The following GREM1 variants were observed in gnomAD, a reference collection of about 807,000 sequenced individuals.
GREM1 encodes gremlin 1, DAN family BMP antagonist.
In GREM1, 6 loss-of-function variants were observed where a neutral mutation model predicts 13.1. The ratio of observed to expected loss-of-function variants is 0.46; its 90% CI spans 0.25 to 0.91. The LOEUF (loss-of-function observed/expected upper bound fraction) is 0.91. Among genes scored for constraint, GREM1 ranks in the 40% least tolerant of loss-of-function variants. The pLI, the probability that GREM1 is intolerant of heterozygous loss-of-function variation, is 0.18. For synonymous variants in GREM1, 98 were observed against 93.7 expected, an observed-to-expected ratio of 1.05 and a Z score of -0.27; for missense variants, 185 against 233.9, an observed-to-expected ratio of 0.79 and a Z score of 1.36.
chr15:32,743,936 T>A lies in GREM1; in HGVS notation c.*12691T>A, dbSNP rs893691119. ...CACCATGTGAACCTCTCTTCACGAC[T>A]TAGTAACTGGCTTCCTCTAGAGTGA... On this transcript the variant is annotated 3_prime_UTR_variant, in exon 2 of 2. Transcript: ENST00000651154. 6.6e-6 allele frequency: 1 copy of A among 152,192 alleles called. No individual in the cohort carries two copies. Among genetic ancestry groups the A allele is most frequent in the Non-Finnish European group, 1.5e-5 (1 of 68,048 alleles). The allele number at this position is 152,192 out of a possible 1,614,324, so 9.4% of individuals were successfully genotyped here. A position where few individuals can be genotyped will look rare whatever the true frequency, so the allele number is the denominator to read the frequency against.
rs768242805 is a variant in GREM1, at chr15:32,730,697, C to T, written c.7C>T (p.Arg3Cys). The change falls in exon 2 of 2, where the codon CGC (arginine) becomes TGC (cysteine). Residue 3 changes from arginine (R) to cysteine (C), a missense_variant. Physicochemically the swap from Arg to Cys is radical, Grantham distance 180. Transcript: ENST00000651154. Reference sequence around the variant, plus strand: ...TGTGCTTCCTTTCTTTAGTATGAGCCGCACAGCCTACACGGTGGGAGCCCT... The same window carrying T: ...TGTGCTTCCTTTCTTTAGTATGAGCTGCACAGCCTACACGGTGGGAGCCCT... MS[R>C]TAYTVGALLL... 4.6e-6 allele frequency: 7 copies of T among 1,535,112 alleles called. No individual in the cohort carries two copies. Among genetic ancestry groups the T allele is most frequent in the Admixed American group, 4.4e-5 (2 of 45,756 alleles).
Position 32,735,021 on chromosome 15 carries a change from T to C in GREM1, c.*3776T>C, listed in dbSNP as rs1364337020. On this transcript the variant is annotated 3_prime_UTR_variant, in exon 2 of 2. Coordinates refer to ENST00000651154, the MANE Select transcript of GREM1 (RefSeq NM_013372.7). Reference sequence around the variant, plus strand: ...CCAGGGGAAAAGCAGGAGAAAGATTTGGGGCTCAGTAGAAGGAAAAGCTTC... The same window carrying C: ...CCAGGGGAAAAGCAGGAGAAAGATTCGGGGCTCAGTAGAAGGAAAAGCTTC... 1.3e-5 allele frequency: 2 copies of C among 152,440 alleles called. No individual in the cohort carries two copies. Among genetic ancestry groups the C allele is most frequent in the African/African-American group, 4.8e-5 (2 of 41,430 alleles). 9.4% of individuals were successfully genotyped at this position (152,440 alleles called of 1,614,324 possible).
In GREM1 at chr15:32,738,156, T is replaced by A. The variant is rs2055729366; in HGVS notation, c.*6911T>A. 1.3e-4 allele frequency: 8 copies of A among 59,834 alleles called. No homozygotes were observed. Among genetic ancestry groups the A allele is most frequent in the African/African-American group, 2.0e-4 (3 of 15,206 alleles). The allele number at this position is 59,834 out of a possible 1,614,324, so 3.7% of individuals were successfully genotyped here. Reference sequence around the variant, plus strand: ...AAAGAAAAGAAAAAAGTCATCCAGATTGGAAAAGAAATAAAATGATTTCAA... The same window carrying A: ...AAAGAAAAGAAAAAAGTCATCCAGAATGGAAAAGAAATAAAATGATTTCAA... On this transcript the variant is annotated 3_prime_UTR_variant, in exon 2 of 2. Coordinates refer to ENST00000651154, the MANE Select transcript of GREM1 (RefSeq NM_013372.7).
In GREM1 at chr15:32,727,892, T is replaced by G. The variant is rs8026489; in HGVS notation, c.-1-2798T>G. Among the ~76,000 whole-genome samples, 1,501 of 152,262 alleles carry G rather than the reference T, an allele frequency of 9.9e-3. 25 individuals carry two copies. Among genetic ancestry groups the G allele is most frequent in the African/African-American group, 0.035 (1,451 of 41,550 alleles). On this transcript the variant is annotated intron_variant, in intron 1 of 1. Coordinates refer to ENST00000651154, the MANE Select transcript of GREM1 (RefSeq NM_013372.7). ...TGAGTGAACTCCCATTCACAAGTGCTACAAAGAATAAAATACCTAGGAATC... is the reference window on the plus strand; with the variant it reads ...TGAGTGAACTCCCATTCACAAGTGCGACAAAGAATAAAATACCTAGGAATC...
rs2055713631 is a variant in GREM1 at position 32,737,869 on chromosome 15, G to C, written c.*6624G>C. ...GTTGAACCCAGGAGGTGGAGGTTCT[G>C]GTGAGCCGAGATCACGCCATTGTAC... On this transcript the variant is annotated 3_prime_UTR_variant, in exon 2 of 2. Transcript: ENST00000651154. 1 of 145,614 alleles carries C rather than the reference G, an allele frequency of 6.9e-6. No homozygotes were observed. Among genetic ancestry groups the C allele is most frequent in the Non-Finnish European group, 1.5e-5 (1 of 67,026 alleles). The allele number at this position is 145,614 out of a possible 1,614,324, so 9.0% of individuals were successfully genotyped here. A position where few individuals can be genotyped will look rare whatever the true frequency, so the allele number is the denominator to read the frequency against.
At position 32,733,207 on chromosome 15, in the gene GREM1, C is replaced by G. The variant is rs2055650524; in HGVS notation, c.*1962C>G. 4.4e-6 allele frequency: 1 copy of G among 227,046 alleles called. No homozygotes were observed. Among genetic ancestry groups the G allele is most frequent in the Non-Finnish European group, 9.5e-6 (1 of 105,000 alleles). The allele number at this position is 227,046 out of a possible 1,614,324, so 14.1% of individuals were successfully genotyped here. On this transcript the variant is annotated 3_prime_UTR_variant, in exon 2 of 2. Coordinates refer to ENST00000651154, the MANE Select transcript of GREM1 (RefSeq NM_013372.7). ...TTGTATACACTGTATGACCCCACCC[C>G]AAATCTTTGTATTGTCCACATTCTC...
chr15:32,718,423 C>G (rs989526144), intron 1 of GREM1: 4 of 478,518 alleles, frequency 8.4e-6, no homozygotes, highest in Admixed American at 2.3e-5. Context: ...CCCCACATCC[C>G]GTTTCCACCT....
At chr15:32,719,091 G>C (rs1276627848) in intron 1 of GREM1, 1 of 154,342 alleles carries the variant, frequency 6.5e-6, no homozygotes, top group African/African-American at 2.4e-5. Flanking sequence ...CGGCTGCAAC[G>C]AGCTGGGCGT....
In GREM1 at chr15:32,740,056, TA is replaced by T. The variant is rs35330371; in HGVS notation, c.*8812del. The T allele has an allele frequency of 0.029, 4,481 of 152,300 alleles. 96 individuals carry two copies. Among genetic ancestry groups the T allele is most frequent in the Admixed American group, 0.072 (1,096 of 15,292 alleles). 9.4% of individuals were successfully genotyped at this position (152,300 alleles called of 1,614,324 possible). On this transcript the variant is annotated 3_prime_UTR_variant, in exon 2 of 2. Transcript: ENST00000651154. ...GCACAGACAGGACAAAAATCATGGCTACCTACATTTCCCTGGAGAAGGAATG... is the reference window on the plus strand; with the variant it reads ...GCACAGACAGGACAAAAATCATGGCTCCTACATTTCCCTGGAGAAGGAATG...
At chr15:32,723,648 C>G (rs1213789484) in intron 1 of GREM1, among the ~76,000 whole-genome samples, 1 of 147,276 alleles carries the variant, frequency 6.8e-6, no homozygotes, top group Non-Finnish European at 1.5e-5. Context: ...AAAAGCCTGT[C>G]TGTCACTCTA....
rs1360842426 is a variant in GREM1 at position 32,741,307 on chromosome 15, C to A, written c.*10062C>A. 6.6e-6 allele frequency: 1 copy of A among 151,984 alleles called. No individual in the cohort carries two copies. The highest frequency in any genetic ancestry group is 1.5e-5 in the Non-Finnish European group (1 of 67,984). The allele number at this position is 151,984 out of a possible 1,614,324, so 9.4% of individuals were successfully genotyped here. ...TATAAATATAGGAGATAATAAAATC[C>A]TTTAGTAAACAGTATCTAAGCCTTG... On this transcript the variant is annotated 3_prime_UTR_variant, in exon 2 of 2. Coordinates refer to ENST00000651154, the MANE Select transcript of GREM1 (RefSeq NM_013372.7).
rs1206925731 is a variant in GREM1 at position 32,742,947 on chromosome 15, G to T, written c.*11702G>T. On this transcript the variant is annotated 3_prime_UTR_variant, in exon 2 of 2. Coordinates refer to ENST00000651154, the MANE Select transcript of GREM1 (RefSeq NM_013372.7). ...ACAGAAGAGAAAGTTTCATGACATT[G>T]CCCTTGGCAATGATTTCATGTACAT... The T allele has an allele frequency of 1.3e-5, 2 of 152,214 alleles. No homozygotes were observed. The highest frequency in any genetic ancestry group is 1.9e-4 in the East Asian group (1 of 5,204). 9.4% of individuals were successfully genotyped at this position (152,214 alleles called of 1,614,324 possible).
At position 32,736,463 on chromosome 15, in the gene GREM1, C is replaced by G. The variant is rs1055850892; in HGVS notation, c.*5218C>G. On this transcript the variant is annotated 3_prime_UTR_variant, in exon 2 of 2. Coordinates refer to ENST00000651154, the MANE Select transcript of GREM1 (RefSeq NM_013372.7). Reference sequence around the variant, plus strand: ...GATGCTCAGGAAAAACCCAAGAAAGCCTTAAGCTCTCACTTCAAGCTGATC... The same window carrying G: ...GATGCTCAGGAAAAACCCAAGAAAGGCTTAAGCTCTCACTTCAAGCTGATC... 2.6e-5 allele frequency: 4 copies of G among 152,118 alleles called. No individual in the cohort carries two copies. Among genetic ancestry groups the G allele is most frequent in the African/African-American group, 7.2e-5 (3 of 41,416 alleles). 9.4% of individuals were successfully genotyped at this position (152,118 alleles called of 1,614,324 possible).
intron 1 of GREM1, 25 bp downstream of exon 1, chr15:32,718,186 GAT>G: frequency 7.5e-6 from 10 of 1,341,734 alleles, no homozygotes; most frequent in Non-Finnish European, 9.8e-6. Flanking sequence ...ACCCGGCAGG[GAT>G]GTGAGTGGGC....
rs925597351 is a variant in GREM1, at chr15:32,736,891, G to A, written c.*5646G>A. 1 of 152,140 alleles carries A rather than the reference G, an allele frequency of 6.6e-6. No homozygotes were observed. Among genetic ancestry groups the A allele is most frequent in the African/African-American group, 2.4e-5 (1 of 41,426 alleles). The allele number at this position is 152,140 out of a possible 1,614,324, so 9.4% of individuals were successfully genotyped here. A position where few individuals can be genotyped will look rare whatever the true frequency, so the allele number is the denominator to read the frequency against. On this transcript the variant is annotated 3_prime_UTR_variant, in exon 2 of 2. Transcript: ENST00000651154. ...GCTCTCTCAAGTCATTTTCAGACCAGGTTAGGAGACGTGAGCTGCTCTCCA... is the reference window on the plus strand; with the variant it reads ...GCTCTCTCAAGTCATTTTCAGACCAAGTTAGGAGACGTGAGCTGCTCTCCA...
Position 32,733,682 on chromosome 15 carries a change from C to A in GREM1, c.*2437C>A, listed in dbSNP as rs2055658995. The A allele has an allele frequency of 4.4e-6, 1 of 226,452 alleles. No individual in the cohort carries two copies. The highest frequency in any genetic ancestry group is 7.2e-5 in the East Asian group (1 of 13,900). 14.0% of individuals were successfully genotyped at this position (226,452 alleles called of 1,614,324 possible). A position where few individuals can be genotyped will look rare whatever the true frequency, so the allele number is the denominator to read the frequency against. On this transcript the variant is annotated 3_prime_UTR_variant, in exon 2 of 2. Coordinates refer to ENST00000651154, the MANE Select transcript of GREM1 (RefSeq NM_013372.7). ...TTCATTGAAAATGCCATATCTATACCATATTTTATTCGAGTCACTGATGAT... is the reference window on the plus strand; with the variant it reads ...TTCATTGAAAATGCCATATCTATACAATATTTTATTCGAGTCACTGATGAT...
At position 32,731,747 on chromosome 15, in the gene GREM1, T is replaced by C. The variant is rs966331164; in HGVS notation, c.*502T>C. ...CCTCACAATCCATCTCTTCTTAAGT[T>C]GATAGTGACTATGTCAGTCTAATCT... On this transcript the variant is annotated 3_prime_UTR_variant, in exon 2 of 2. Coordinates refer to ENST00000651154, the MANE Select transcript of GREM1 (RefSeq NM_013372.7). 2 of 245,764 alleles carry C rather than the reference T, an allele frequency of 8.1e-6. No homozygotes were observed. The highest frequency in any genetic ancestry group is 1.1e-4 in the Admixed American group (2 of 18,314). The allele number at this position is 245,764 out of a possible 1,614,324, so 15.2% of individuals were successfully genotyped here.
Position 32,732,497 on chromosome 15 carries a change from G to T in GREM1, c.*1252G>T, listed in dbSNP as rs141585953. ...CAGGAGATTGGGCTAAAGAGAAGAC[G>T]ACGAGAGTAAGGAAATAAAGGGAAT... On this transcript the variant is annotated 3_prime_UTR_variant, in exon 2 of 2. Coordinates refer to ENST00000651154, the MANE Select transcript of GREM1 (RefSeq NM_013372.7). 1.1e-4 allele frequency: 26 copies of T among 245,460 alleles called. No homozygotes were observed. The highest frequency in any genetic ancestry group is 4.9e-4 in the African/African-American group (22 of 45,318). The allele number at this position is 245,460 out of a possible 1,614,324, so 15.2% of individuals were successfully genotyped here.
In GREM1 at chr15:32,739,982, C is replaced by T. The variant is rs528639998; in HGVS notation, c.*8737C>T. Reference sequence around the variant, plus strand: ...GAAGGACAGAGACAGAGGTTTAGACCAGTAGATGACATGGCACCCTGCCCT... The same window carrying T: ...GAAGGACAGAGACAGAGGTTTAGACTAGTAGATGACATGGCACCCTGCCCT... On this transcript the variant is annotated 3_prime_UTR_variant, in exon 2 of 2. Coordinates refer to ENST00000651154, the MANE Select transcript of GREM1 (RefSeq NM_013372.7). 5 of 152,364 alleles carry T rather than the reference C, an allele frequency of 3.3e-5. No individual in the cohort carries two copies. Among genetic ancestry groups the T allele is most frequent in the South Asian group, 2.1e-4 (1 of 4,816 alleles). The allele number at this position is 152,364 out of a possible 1,614,324, so 9.4% of individuals were successfully genotyped here. A position where few individuals can be genotyped will look rare whatever the true frequency, so the allele number is the denominator to read the frequency against.
Sources: gnomAD v4.1 joint callset for allele counts (sites outside exome capture counted in the v4.1 genomes callset) on GRCh38, gnomAD v4.1.1 for gene constraint, MANE v1.5 for transcripts, NCBI Gene and HGNC (gene_info 2026-07-23, HGNC 2026-07-21) for gene names.